Variants in IL1RAPL2 observed in about 807,000 individuals in gnomAD.
IL1RAPL2 encodes interleukin 1 receptor accessory protein like 2.
Under a neutral mutation model 44.1 loss-of-function variants are expected in IL1RAPL2, and 3 were observed. The ratio of observed to expected loss-of-function variants is 0.07; its 90% CI spans 0.03 to 0.18. The LOEUF is 0.18. IL1RAPL2 is among the 10% of genes least tolerant of loss of function. The pLI is 1.00. For synonymous variants in IL1RAPL2, 181 were observed against 178.8 expected (o/e 1.01, Z -0.10); for missense variants, 391 against 496.4 (o/e 0.79, Z 2.02).
At chrX:104,972,133 G>A (rs1035207510) in intron 2 of IL1RAPL2, among the ~76,000 whole-genome samples, 7 of 111,313 alleles carry the variant, frequency 6.3e-5, no homozygotes, top group Admixed American at 9.6e-5. Flanking sequence ...TTCCAGAAGC[G>A]GGCAGTACTC....
intron 2 of IL1RAPL2, among the ~76,000 whole-genome samples, chrX:104,808,239 G>C (rs1602737428): frequency 1.8e-5 from 2 of 111,898 alleles, no homozygotes; most frequent in South Asian, 3.7e-4. Flanking sequence ...AGAAACTGTG[G>C]GTTGCTTAAA....
chrX:105,589,355 G>GT (rs2037152094), intron 6 of IL1RAPL2, among the ~76,000 whole-genome samples: 2 of 111,072 alleles, frequency 1.8e-5, no homozygotes, highest in Non-Finnish European at 3.8e-5. Context: ...TCTATTGATG[G>GT]TTTCTTTTGC....
At chrX:104,712,540 C>A (rs958101885) in intron 2 of IL1RAPL2, among the ~76,000 whole-genome samples, 2 of 110,617 alleles carry the variant, frequency 1.8e-5, no homozygotes, top group African/African-American at 6.6e-5. Flanking sequence ...ATATAAGGAC[C>A]TATTCCTAAG....
At chrX:105,344,358 G>A (rs1357283003) in intron 5 of IL1RAPL2, among the ~76,000 whole-genome samples, 2 of 111,590 alleles carry the variant, frequency 1.8e-5, no homozygotes, top group Middle Eastern at 4.2e-3. Context: ...GTGATCTTAG[G>A]CAAGTAACCT....
At chrX:105,459,435 A>G (rs777915947) in intron 5 of IL1RAPL2, among the ~76,000 whole-genome samples, 6 of 111,495 alleles carry the variant, frequency 5.4e-5, no homozygotes, top group Non-Finnish European at 1.1e-4. Context: ...AAGAAATGTT[A>G]TTTTTACAAC....
intron 2 of IL1RAPL2, among the ~76,000 whole-genome samples, chrX:104,692,915 G>T (rs1244753207): frequency 9.0e-6 from 1 of 111,567 alleles, no homozygotes; most frequent in Non-Finnish European, 1.9e-5. Flanking sequence ...CTGAGGAATT[G>T]CCACACCAAC....
At chrX:105,047,156 G>C (rs1052163777) in intron 2 of IL1RAPL2, among the ~76,000 whole-genome samples, 1 of 110,888 alleles carries the variant, frequency 9.0e-6, no homozygotes, top group African/African-American at 3.3e-5. Flanking sequence ...CCCTTACATA[G>C]AGAGTTCTTT....
intron 2 of IL1RAPL2, among the ~76,000 whole-genome samples, chrX:105,047,324 T>C (rs958738583): frequency 8.9e-6 from 1 of 112,079 alleles, no homozygotes; most frequent in Non-Finnish European, 1.9e-5. Flanking sequence ...AAACTATTAA[T>C]TTTGAACCTC....
intron 1 of IL1RAPL2, among the ~76,000 whole-genome samples, chrX:104,587,763 G>A (rs919072704): frequency 8.9e-6 from 1 of 111,981 alleles, no homozygotes; most frequent in Non-Finnish European, 1.9e-5. Context: ...GCATGTAGTT[G>A]CAAAGTGACT....
At chrX:104,700,556 T>C (rs923009265) in intron 2 of IL1RAPL2, among the ~76,000 whole-genome samples, 2 of 112,136 alleles carry the variant, frequency 1.8e-5, no homozygotes, top group Non-Finnish European at 3.8e-5. Flanking sequence ...ATTGCCTTGT[T>C]TTCACATTAT....
chrX:104,595,170 G>T (rs193053411), intron 1 of IL1RAPL2, among the ~76,000 whole-genome samples: 138 of 111,601 alleles, frequency 1.2e-3, no homozygotes, highest in African/African-American at 4.3e-3. Flanking sequence ...ACCTCAATGA[G>T]TGTGAATCCA....
At chrX:104,790,416 C>A (rs1386668586) in intron 2 of IL1RAPL2, among the ~76,000 whole-genome samples, 1 of 110,938 alleles carries the variant, frequency 9.0e-6, no homozygotes, top group East Asian at 2.8e-4. Flanking sequence ...TAAAGAGAGA[C>A]CAAAGAGCAT....
intron 2 of IL1RAPL2, among the ~76,000 whole-genome samples, chrX:105,031,508 G>T (rs2031495073): frequency 9.0e-6 from 1 of 111,725 alleles, no homozygotes; most frequent in Non-Finnish European, 1.9e-5. Context: ...TAATCATGTG[G>T]TTTTTGTCTT....
chrX:105,412,756 T>C (rs2035706289), intron 5 of IL1RAPL2, among the ~76,000 whole-genome samples: 1 of 111,907 alleles, frequency 8.9e-6, no homozygotes, highest in Non-Finnish European at 1.9e-5. Context: ...TATGATTTGA[T>C]TATTATACAA....
intron 1 of IL1RAPL2, among the ~76,000 whole-genome samples, chrX:104,586,433 AGCTCC>A (rs1928565890): frequency 8.9e-6 from 1 of 111,740 alleles, no homozygotes; most frequent in African/African-American, 3.3e-5. Context: ...GCTTTGCAGA[AGCTCC>A]TTAGTTTAAT....
intron 5 of IL1RAPL2, among the ~76,000 whole-genome samples, chrX:105,444,718 C>G (rs183095222): frequency 1.4e-4 from 15 of 110,791 alleles, no homozygotes; most frequent in African/African-American, 4.9e-4. Context: ...ATACCTGTGC[C>G]ATGGTGGTTT....
At chrX:104,860,942 C>T (rs1318708248) in intron 2 of IL1RAPL2, among the ~76,000 whole-genome samples, 1 of 111,419 alleles carries the variant, frequency 9.0e-6, no homozygotes, top group East Asian at 2.8e-4. Flanking sequence ...AGCTATCTTA[C>T]TCCTTTTCTT....
intron 6 of IL1RAPL2, among the ~76,000 whole-genome samples, chrX:105,684,606 A>C (rs2037953668): frequency 8.9e-6 from 1 of 112,781 alleles, no homozygotes; most frequent in African/African-American, 3.2e-5. Context: ...GGCAGGGCAT[A>C]GCTGAACAAA....
At position 105,220,024 on chromosome X, in the gene IL1RAPL2, G is replaced by A. The variant is rs782474353; in HGVS notation, c.357-13794G>A. The A allele has an allele frequency of 6.6e-6, 8 of 1,210,665 alleles. No individual in the cohort carries two copies. In the East Asian group the frequency reaches 1.8e-4, roughly 27 times the overall value. ...CTGGGCCATTCTTAGCCGGGAGGCC[G>A]CCTCCTTGCGTTCCGTCTCCTGCTG... is the stretch of plus-strand genomic sequence containing the variant. On this transcript the variant is annotated intron_variant, in intron 3 of 10. Transcript: ENST00000372582.
Sources: gnomAD v4.1 joint callset for allele counts (sites outside exome capture counted in the v4.1 genomes callset) on GRCh38, gnomAD v4.1.1 for gene constraint, MANE v1.5 for transcripts, NCBI Gene and HGNC (gene_info 2026-07-23, HGNC 2026-07-21) for gene names.